The following PPP1CC variants were observed in gnomAD, a reference collection of about 807,000 sequenced individuals.
PPP1CC encodes the protein protein phosphatase 1 catalytic subunit gamma, also known as serine/threonine-protein phosphatase PP1-gamma catalytic subunit.
Under a neutral mutation model 38.4 loss-of-function variants are expected in PPP1CC, and 16 were observed. The ratio of observed to expected loss-of-function variants is 0.42; its 90% CI spans 0.28 to 0.63. The LOEUF is 0.63. PPP1CC is among the 30% of genes least tolerant of loss of function. The probability of loss-of-function intolerance (pLI) is 0.25; values close to 1 mark genes in which losing one functional copy is unlikely to be tolerated. For missense variants in PPP1CC, 170 were observed against 391.3 expected (o/e 0.43, Z 4.77); for synonymous variants, 158 against 136.0 (o/e 1.16, Z -1.13).
chr12:110,716,000 CACTTTGAGGTT>C (rs1296072050), downstream of PPP1CC, among the ~76,000 whole-genome samples: 1 of 152,182 alleles, frequency 6.6e-6, no homozygotes, highest in Non-Finnish European at 1.5e-5. Flanking sequence ...AATAGATGCT[CACTTTGAGGTT>C]GGTGGAAAGG....
chr12:110,731,918 G>T lies in PPP1CC; in HGVS notation c.56-17C>A. On this transcript the variant is annotated splice_polypyrimidine_tract_variant and intron_variant, in intron 1 of 6. Coordinates refer to ENST00000335007, the MANE Select transcript of PPP1CC (RefSeq NM_002710.4). ...ACCCTCTCACTGCAAGAGAAAAATC[G>T]CAATTAGTCCAATGAAGCCAAAATA... is the stretch of plus-strand genomic sequence containing the variant. 1 of 1,609,254 alleles carries T rather than the reference G, an allele frequency of 6.2e-7. No individual in the cohort carries two copies. The highest frequency in any genetic ancestry group is 8.5e-7 in the Non-Finnish European group (1 of 1,176,634).
chr12:110,718,966 T>C (rs1308316034), downstream of PPP1CC, among the ~76,000 whole-genome samples: 1 of 152,114 alleles, frequency 6.6e-6, no homozygotes, highest in South Asian at 2.1e-4. Flanking sequence ...TCCTTAGTAC[T>C]TGATAAATGT....
Position 110,721,174 on chromosome 12 carries a change from T to G in PPP1CC, c.883-9A>C. 1 of 1,609,186 alleles carries G rather than the reference T, an allele frequency of 6.2e-7. No individual in the cohort carries two copies. The highest frequency in any genetic ancestry group is 1.1e-5 in the South Asian group (1 of 90,744). ...TCTGCAGGCTTTAAAATCTGGAGAT[T>G]CAAAAGACAGTTAATTTAGGAAATA... is the stretch of plus-strand genomic sequence containing the variant. On this transcript the variant is annotated splice_polypyrimidine_tract_variant and intron_variant, in intron 6 of 6. Coordinates refer to ENST00000335007, the MANE Select transcript of PPP1CC (RefSeq NM_002710.4).
At chr12:110,713,264 C>G in the PPP1CC span, among the ~76,000 whole-genome samples, 3 of 151,924 alleles carry the variant, frequency 2.0e-5, no homozygotes, top group Admixed American at 2.0e-4. Context: ...TCCTGAGTAG[C>G]TTGGACTGCA....
the PPP1CC span, among the ~76,000 whole-genome samples, chr12:110,709,973 A>G: frequency 6.8e-6 from 1 of 146,774 alleles, no homozygotes; most frequent in African/African-American, 2.5e-5. Flanking sequence ...AATAATAATA[A>G]TAAAGGAAAA....
At chr12:110,730,839 T>A in intron 2 of PPP1CC, 80 bp from the exon 3 acceptor site, 1 of 931,060 alleles carries the variant, frequency 1.1e-6, no homozygotes, top group Non-Finnish European at 1.6e-6. Flanking sequence ...AGACATTCTT[T>A]AAATATTCAT....
In PPP1CC at chr12:110,724,865, C is replaced by T. The variant is rs147429945; in HGVS notation, c.419-101G>A. The T allele has an allele frequency of 3.9e-4, 237 of 608,842 alleles. 1 individual carries two copies. In the East Asian group the frequency reaches 5.0e-3, roughly 13 times the overall value. The allele number at this position is 608,842 out of a possible 1,614,324, so 37.7% of individuals were successfully genotyped here. ...TCCCCCAAAGCAAGATTCTGGGTGC[C>T]TTTTAAGCAAATGAAACTATGTTTT... On this transcript the variant is annotated intron_variant, in intron 3 of 6. Transcript: ENST00000335007.
downstream of PPP1CC, among the ~76,000 whole-genome samples, chr12:110,719,240 T>TC (rs2069712493): frequency 6.6e-6 from 1 of 152,016 alleles, no homozygotes; most frequent in Non-Finnish European, 1.5e-5. Flanking sequence ...GGTAATGAGG[T>TC]CCCCCTTCCC....
Position 110,720,434 on chromosome 12 carries a change from A to C in PPP1CC, c.*642T>G, listed in dbSNP as rs778657879. The C allele has an allele frequency of 4.2e-6, 2 of 480,738 alleles. No homozygotes were observed. Among genetic ancestry groups the C allele is most frequent in the Non-Finnish European group, 7.4e-6 (2 of 271,074 alleles). The allele number at this position is 480,738 out of a possible 1,614,324, so 29.8% of individuals were successfully genotyped here. On this transcript the variant is annotated 3_prime_UTR_variant, in exon 7 of 7. Coordinates refer to ENST00000335007, the MANE Select transcript of PPP1CC (RefSeq NM_002710.4). ...ACTTTGGCTTTAGGAAAGAGTCACA[A>C]ATATTTAAAAGAATGGCTTTGTCAT...
rs2069861921 is a variant in PPP1CC at position 110,730,703 on chromosome 12, G to C, written c.244C>G (p.Pro82Ala). ...LLRLFEYGGF[P>A]PESNYLFLGD... ...AGAAACAGGTAGTTGCTTTCTGGTG[G>C]GAAACCACCGTACTCAAAAAGTCGC... The change falls in exon 3 of 7, where the codon CCA (proline) becomes GCA (alanine). Residue 82 changes from proline (P) to alanine (A), a missense_variant. By Grantham distance (27) the Pro-to-Ala change is conservative. Around this residue, in one of 3 missense-constraint regions of PPP1CC, gnomAD observed 117 missense variants for 344.4 expected, o/e 0.34. Coordinates refer to ENST00000335007, the MANE Select transcript of PPP1CC (RefSeq NM_002710.4). 6.2e-7 allele frequency: 1 copy of C among 1,613,864 alleles called. No individual in the cohort carries two copies. The highest frequency in any genetic ancestry group is 8.5e-7 in the Non-Finnish European group (1 of 1,179,994).
At chr12:110,738,558 G>C (rs957192656) in intron 1 of PPP1CC, among the ~76,000 whole-genome samples, 2 of 152,200 alleles carry the variant, frequency 1.3e-5, no homozygotes, top group African/African-American at 4.8e-5. Context: ...ACAGGTTACA[G>C]GTTGTAATAG....
chr12:110,721,422 C>G (rs1233665221), intron 6 of PPP1CC: 1 of 310,640 alleles, frequency 3.2e-6, no homozygotes, highest in East Asian at 6.4e-5. Flanking sequence ...GAAGTCTACA[C>G]CTGGTAGTAT....
chr12:110,733,713 C>T (rs2069908978), intron 1 of PPP1CC, among the ~76,000 whole-genome samples: 1 of 152,158 alleles, frequency 6.6e-6, no homozygotes, highest in Admixed American at 6.5e-5. Context: ...CTTCCAGGCT[C>T]AAGTGATCCT....
chr12:110,709,932 A>AAATAATAATAATAAT, the PPP1CC span, among the ~76,000 whole-genome samples: 21 of 142,070 alleles, frequency 1.5e-4, no homozygotes, highest in African/African-American at 4.4e-4. Flanking sequence ...AAAAACTCCA[A>AAATAATAATAATAAT]AATAATAATA....
chr12:110,717,866 G>A (rs1040876525), downstream of PPP1CC, among the ~76,000 whole-genome samples: 1 of 152,120 alleles, frequency 6.6e-6, no homozygotes, highest in African/African-American at 2.4e-5. Context: ...CATGGTGTCT[G>A]CAAACTGCCA....
chr12:110,731,946 AAATAC>A (rs747626389), intron 1 of PPP1CC, 45 bp from the exon 2 acceptor site: 32 of 1,598,120 alleles, frequency 2.0e-5, no homozygotes, highest in Non-Finnish European at 3.4e-6. Flanking sequence ...CCAAAATACA[AAATAC>A]AATACGAGAT....
At chr12:110,725,276 G>C (rs534173735) in intron 3 of PPP1CC, 1 of 152,310 alleles carries the variant, frequency 6.6e-6, no homozygotes, top group Admixed American at 6.6e-5. Flanking sequence ...CAATCTCACC[G>C]CAGCTAGTCC....
the PPP1CC span, among the ~76,000 whole-genome samples, chr12:110,710,405 A>G: frequency 1.4e-4 from 21 of 151,798 alleles, no homozygotes; most frequent in Admixed American, 1.2e-3. Context: ...TTTTCAAAAC[A>G]AAAATATTTT....
At chr12:110,713,043 A>T in the PPP1CC span, among the ~76,000 whole-genome samples, 1 of 152,092 alleles carries the variant, frequency 6.6e-6, no homozygotes, top group African/African-American at 2.4e-5. Context: ...ATTGCATTCC[A>T]GCCTGGGCAA....
Sources: allele counts gnomAD v4.1 joint callset (sites outside exome capture counted in the v4.1 genomes callset), GRCh38; gene constraint gnomAD v4.1.1; regional missense constraint gnomAD v4.1.1; transcripts MANE v1.5; gene names NCBI Gene and HGNC (gene_info 2026-07-23, HGNC 2026-07-21).